The following ENAM variants were observed in gnomAD, a reference collection of about 807,000 sequenced individuals.
ENAM encodes the protein amelogenesis imperfecta 2, hypocalcification (autosomal dominant).
A neutral mutation model predicts 33.6 loss-of-function variants in ENAM; 21 were observed. The observed-to-expected ratio is 0.63, with a 90% CI of 0.44 to 0.90. The LOEUF (loss-of-function observed/expected upper bound fraction) is 0.90, where lower values mean the gene tolerates loss of function less well. ENAM is among the 40% of genes least tolerant of loss of function. The pLI, the probability that ENAM is intolerant of heterozygous loss-of-function variation, is 0.00. For missense variants in ENAM, 1,388 were observed against 1,366.9 expected, an observed-to-expected ratio of 1.02 and a Z score of -0.24; for synonymous variants, 473 against 468.4, an observed-to-expected ratio of 1.01 and a Z score of -0.13.
intron 8 of ENAM, 54 bp downstream of exon 8, chr4:70,637,897 T>A: frequency 1.5e-6 from 2 of 1,300,258 alleles, no homozygotes; most frequent in Middle Eastern, 1.8e-4. Flanking sequence ...CATTCGCCCC[T>A]GCTTTTTTAT....
Position 70,643,388 on chromosome 4 carries a change from G to A in ENAM, c.1962G>A (p.Glu654=). The change falls in exon 9 of 9, where the codon GAG becomes GAA. Residue 654 remains glutamate (E), a synonymous_variant. Coordinates refer to ENST00000396073, the MANE Select transcript of ENAM (RefSeq NM_031889.3). ...AGGAGATAGTCCCTTATAATGAAGA[G>A]GACCCAGTTGATCCAACTGGAGATG... is the stretch of plus-strand genomic sequence containing the variant. The part of the protein sequence containing the change: ...DQKEIVPYNE[E]DPVDPTGDEV... 6.2e-7 allele frequency: 1 copy of A among 1,614,038 alleles called. No individual in the cohort carries two copies. Among genetic ancestry groups the A allele is most frequent in the Middle Eastern group, 1.6e-4 (1 of 6,062 alleles).
At position 70,642,125 on chromosome 4, in the gene ENAM, T is replaced by G; in HGVS notation, c.699T>G (p.Pro233=). ...DFEKPKEEDP[P]KAESPGTEPT... Reference sequence around the variant, plus strand: ...AAAAACCCAAAGAAGAAGATCCTCCTAAAGCAGAAAGTCCAGGCACAGAAC... The same window carrying G: ...AAAAACCCAAAGAAGAAGATCCTCCGAAAGCAGAAAGTCCAGGCACAGAAC... Residue 233 remains proline (P), a synonymous_variant, in exon 9 of 9, where the codon CCT becomes CCG. Coordinates refer to ENST00000396073, the MANE Select transcript of ENAM (RefSeq NM_031889.3). 3 of 1,614,142 alleles carry G rather than the reference T, an allele frequency of 1.9e-6. No homozygotes were observed. Among genetic ancestry groups the G allele is most frequent in the South Asian group, 2.2e-5 (2 of 91,082 alleles).
Position 70,644,491 on chromosome 4 carries a change from G to A in ENAM, c.3065G>A (p.Gly1022Asp), listed in dbSNP as rs556253149. The A allele has an allele frequency of 1.2e-6, 2 of 1,614,092 alleles. No homozygotes were observed. Among genetic ancestry groups the A allele is most frequent in the Admixed American group, 3.3e-5 (2 of 60,020 alleles). The stretch of plus-strand genomic sequence containing the variant: ...CTTACTCCTGAGCAGCTTGTTATTG[G>A]TACACCTGATGAAGGCTCCAATCCA... ...VDLTPEQLVIGTPDEGSNPEG... is the reference protein window; with the variant it reads ...VDLTPEQLVIDTPDEGSNPEG... The change falls in exon 9 of 9, where the codon GGT (glycine) becomes GAT (aspartate). Residue 1022 changes from glycine to aspartate, a missense_variant. Physicochemically the swap from Gly to Asp is moderately conservative, Grantham distance 94 (BLOSUM62 -1). Coordinates refer to ENST00000396073, the MANE Select transcript of ENAM (RefSeq NM_031889.3).
chr4:70,631,388 C>G (rs564094767), intron 2 of ENAM, among the ~76,000 whole-genome samples: 1 of 152,184 alleles, frequency 6.6e-6, no homozygotes, highest in South Asian at 2.1e-4. Context: ...CTTTCTCTCT[C>G]TCTCTGTCTC....
Position 70,642,663 on chromosome 4 carries a change from G to C in ENAM, c.1237G>C (p.Val413Leu). 1 of 1,613,096 alleles carries C rather than the reference G, an allele frequency of 6.2e-7. No individual in the cohort carries two copies. Among genetic ancestry groups the C allele is most frequent in the Non-Finnish European group, 8.5e-7 (1 of 1,179,684 alleles). The stretch of plus-strand genomic sequence containing the variant: ...GCCTCAGGGGCCAAATAAACACCCT[G>C]TAGGAACTACTGTTGCCCCACTGGG... ...RKPQGPNKHPVGTTVAPLGPK... is the reference protein window; with the variant it reads ...RKPQGPNKHPLGTTVAPLGPK... The change falls in exon 9 of 9, where the codon GTA (valine) becomes CTA (leucine). Residue 413 changes from valine (V) to leucine (L), a missense_variant. By Grantham distance (32) the Val-to-Leu change is conservative (BLOSUM62 1). Transcript: ENST00000396073.
Position 70,635,899 on chromosome 4 carries a change from G to T in ENAM, c.534+5G>T, listed in dbSNP as rs1368963144. 1.0e-5 allele frequency: 16 copies of T among 1,581,938 alleles called. No individual in the cohort carries two copies. Among genetic ancestry groups the T allele is most frequent in the Admixed American group, 1.7e-5 (1 of 59,612 alleles). ...CCACCATGGCAAATTCCACAGGTGA[G>T]AAATTTTTTTTTCTTTACACTGTAA... On this transcript the variant is annotated splice_donor_5th_base_variant and intron_variant, in intron 7 of 8. Transcript: ENST00000396073.
chr4:70,629,349 T>C (rs1577966867), intron 1 of ENAM, 92 bp from the exon 2 acceptor site: 1 of 719,062 alleles, frequency 1.4e-6, no homozygotes, highest in African/African-American at 1.8e-5. Flanking sequence ...AATACAGGTA[T>C]GACTGGATAA....
Position 70,644,655 on chromosome 4 carries a change from G to C in ENAM, c.3229G>C (p.Gly1077Arg). The C allele has an allele frequency of 6.2e-7, 1 of 1,614,108 alleles. No individual in the cohort carries two copies. Among genetic ancestry groups the C allele is most frequent in the Admixed American group, 1.7e-5 (1 of 60,012 alleles). The change falls in exon 9 of 9, where the codon GGA (glycine) becomes CGA (arginine). Residue 1077 changes from glycine to arginine, a missense_variant. Transcript: ENST00000396073. Reference protein sequence around the residue: ...SSTTGTPSSDGRQSPFDGDSI... With the variant: ...SSTTGTPSSDRRQSPFDGDSI... ...CACCACCGGAACTCCATCTAGCGATGGAAGGCAAAGCCCATTTGATGGGGA... is the reference window on the plus strand; with the variant it reads ...CACCACCGGAACTCCATCTAGCGATCGAAGGCAAAGCCCATTTGATGGGGA...
At chr4:70,630,477 T>A (rs183087295) in intron 2 of ENAM, among the ~76,000 whole-genome samples, 125 of 152,324 alleles carry the variant, frequency 8.2e-4, no homozygotes, top group Non-Finnish European at 1.6e-3. Flanking sequence ...CTCTATTGTA[T>A]ATGCAAATAG....
chr4:70,639,169 A>G (rs924450712), intron 8 of ENAM, among the ~76,000 whole-genome samples: 1 of 152,196 alleles, frequency 6.6e-6, no homozygotes, highest in Non-Finnish European at 1.5e-5. Context: ...ATATATCATG[A>G]AATAACCCCA....
intron 6 of ENAM, among the ~76,000 whole-genome samples, chr4:70,635,475 C>T (rs913833378): frequency 6.6e-6 from 1 of 152,168 alleles, no homozygotes; most frequent in African/African-American, 2.4e-5. Context: ...AAAAGACACT[C>T]CTGGATTGGA....
Position 70,644,807 on chromosome 4 carries a change from G to A in ENAM, c.3381G>A (p.Gly1127=), listed in dbSNP as rs757914155. 1 of 1,614,126 alleles carries A rather than the reference G, an allele frequency of 6.2e-7. No individual in the cohort carries two copies. The highest frequency in any genetic ancestry group is 1.1e-5 in the South Asian group (1 of 91,076). ...EHSPFEFLQR[G]TNVQDQVQDC... is the part of the protein sequence containing the mutation. ...GTCCATTTGAATTCCTTCAAAGAGG[G>A]ACCAATGTACAGGACCAGGTACAAG... The change falls in exon 9 of 9, where the codon GGG becomes GGA. Residue 1127 remains glycine, a synonymous_variant. Coordinates refer to ENST00000396073, the MANE Select transcript of ENAM (RefSeq NM_031889.3).
At chr4:70,637,764 T>C (rs1056032172) in intron 7 of ENAM, 26 bp from the exon 8 acceptor site, 2 of 1,604,806 alleles carry the variant, frequency 1.2e-6, no homozygotes, top group Non-Finnish European at 8.5e-7. Flanking sequence ...TTTTCTCCTG[T>C]GTTCACTGTG....
rs371550155 is a variant in ENAM, at chr4:70,642,447, A to G, written c.1021A>G (p.Met341Val). The G allele has an allele frequency of 1.5e-5, 24 of 1,614,018 alleles. No individual in the cohort carries two copies. The African/African-American group carries it at 2.8e-4, about 19-fold the overall frequency. ...GRQWYFTGTVMGHRQNRPFYR... is the reference protein window; with the variant it reads ...GRQWYFTGTVVGHRQNRPFYR... ...ACAGTGGTATTTCACTGGTACTGTC[A>G]TGGGGCACAGACAGAATAGGCCTTT... Residue 341 changes from methionine (M) to valine (V), a missense_variant, in exon 9 of 9, where the codon ATG (methionine) becomes GTG (valine). Coordinates refer to ENST00000396073, the MANE Select transcript of ENAM (RefSeq NM_031889.3).
In ENAM at chr4:70,629,432, A is replaced by G. The variant is rs1738253969; in HGVS notation, c.-60-9A>G. On this transcript the variant is annotated splice_polypyrimidine_tract_variant and intron_variant, in intron 1 of 8. Coordinates refer to ENST00000396073, the MANE Select transcript of ENAM (RefSeq NM_031889.3). ...CATTTCATTTATTTGTTCCATTTCT[A>G]TATTTTAGTTTCTTCTCAGGTTAAA... The G allele has an allele frequency of 4.7e-6, 5 of 1,054,270 alleles. No individual in the cohort carries two copies. The Admixed American group carries it at 5.1e-5, about 11-fold the overall frequency. 65.3% of individuals were successfully genotyped at this position (1,054,270 alleles called of 1,614,324 possible).
chr4:70,629,622 T>C (rs1738260161), intron 2 of ENAM, 68 bp downstream of exon 2: 1 of 1,136,972 alleles, frequency 8.8e-7, no homozygotes, highest in East Asian at 2.3e-5. Context: ...AGAAATACAC[T>C]TGAGAGGGCC....
At chr4:70,640,619 C>A (rs560604378) in intron 8 of ENAM, among the ~76,000 whole-genome samples, 8 of 152,106 alleles carry the variant, frequency 5.3e-5, no homozygotes, top group Non-Finnish European at 1.0e-4. Flanking sequence ...TTACTAAGTA[C>A]CAGGCACTGA....
chr4:70,630,971 T>A (rs1451970845), intron 2 of ENAM, among the ~76,000 whole-genome samples: 1 of 151,916 alleles, frequency 6.6e-6, no homozygotes, highest in Non-Finnish European at 1.5e-5. Flanking sequence ...CAAGCTCCTG[T>A]CCTCAGGGGA....
intron 7 of ENAM, among the ~76,000 whole-genome samples, chr4:70,636,580 C>T (rs989634570): frequency 6.6e-6 from 1 of 152,042 alleles, no homozygotes; most frequent in African/African-American, 2.4e-5. Context: ...ACCAGCCTGA[C>T]CAACAAGGTG....
Sources: gnomAD v4.1 joint callset for allele counts (sites outside exome capture counted in the v4.1 genomes callset) on GRCh38, gnomAD v4.1.1 for gene constraint, MANE v1.5 for transcripts, NCBI Gene and HGNC (gene_info 2026-07-23, HGNC 2026-07-21) for gene names.